The following EPHA5 variants were observed in gnomAD, a reference collection of about 807,000 sequenced individuals.
EPHA5 encodes ephrin type-A receptor 5.
Under a neutral mutation model 105.0 loss-of-function variants are expected in EPHA5, and 60 were observed. That is an observed-to-expected ratio of 0.57 (90% CI 0.46 to 0.71). EPHA5 has a LOEUF of 0.71. EPHA5 is among the 30% of genes least tolerant of loss of function. The pLI, the probability that EPHA5 is intolerant of heterozygous loss-of-function variation, is 0.00. For synonymous variants in EPHA5, 513 were observed against 449.1 expected (o/e 1.14, Z -1.80); for missense variants, 1,218 against 1,274.7 (o/e 0.96, Z 0.68).
chr4:65,585,395 T>A (rs951460575), intron 3 of EPHA5, among the ~76,000 whole-genome samples: 1 of 151,678 alleles, frequency 6.6e-6, no homozygotes, highest in Admixed American at 6.6e-5. Context: ...GTTTTAAATC[T>A]TACCTAGGAG....
chr4:65,620,611 A>G (rs1037871600), intron 2 of EPHA5, among the ~76,000 whole-genome samples: 2 of 152,180 alleles, frequency 1.3e-5, no homozygotes, highest in African/African-American at 2.4e-5. Flanking sequence ...GAAATTTACT[A>G]AAAGACTATC....
At chr4:65,631,762 T>C (rs28689105) in intron 2 of EPHA5, among the ~76,000 whole-genome samples, 5,685 of 150,944 alleles carry the variant, frequency 0.038, 354 homozygotes, top group African/African-American at 0.13. Context: ...ATAAAAGAGA[T>C]TAATAAGACT....
intron 5 of EPHA5, among the ~76,000 whole-genome samples, chr4:65,464,401 A>C (rs866431853): frequency 6.6e-6 from 1 of 152,070 alleles, no homozygotes. Context: ...AAGGCAACAC[A>C]AAGGAGAAGC....
intron 4 of EPHA5, among the ~76,000 whole-genome samples, chr4:65,493,547 C>T (rs761517128): frequency 2.0e-5 from 3 of 152,082 alleles, no homozygotes; most frequent in Non-Finnish European, 4.4e-5. Flanking sequence ...CATACACACA[C>T]ACTCATAGAT....
At chr4:65,486,820 C>A (rs1730925943) in intron 5 of EPHA5, among the ~76,000 whole-genome samples, 1 of 152,210 alleles carries the variant, frequency 6.6e-6, no homozygotes, top group Admixed American at 6.5e-5. Context: ...TGGCTTGGGC[C>A]TGTGTCCCTT....
At chr4:65,463,435 C>A (rs1385881989) in intron 5 of EPHA5, among the ~76,000 whole-genome samples, 1 of 152,092 alleles carries the variant, frequency 6.6e-6, no homozygotes, top group African/African-American at 2.4e-5. Context: ...AATGATTCTA[C>A]AAAAGTTATG....
intron 8 of EPHA5, among the ~76,000 whole-genome samples, chr4:65,382,470 T>C (rs1012723183): frequency 6.6e-6 from 1 of 151,892 alleles, no homozygotes; most frequent in Non-Finnish European, 1.5e-5. Flanking sequence ...TTCCAATATA[T>C]ATTTGAACTC....
At chr4:65,585,818 C>A in intron 3 of EPHA5, among the ~76,000 whole-genome samples, 1 of 151,400 alleles carries the variant, frequency 6.6e-6, no homozygotes, top group South Asian at 2.1e-4. Flanking sequence ...AATAAAGGAG[C>A]ATATGTTTTT....
chr4:65,364,422 C>T (rs1175334897), intron 11 of EPHA5, among the ~76,000 whole-genome samples: 3 of 151,564 alleles, frequency 2.0e-5, no homozygotes, highest in African/African-American at 7.3e-5. Flanking sequence ...AACACATTTA[C>T]AAAACATTAA....
chr4:65,616,454 C>CACACACAGAG (rs1454115764), intron 2 of EPHA5, among the ~76,000 whole-genome samples: 41 of 147,962 alleles, frequency 2.8e-4, no homozygotes, highest in African/African-American at 9.4e-4. Flanking sequence ...CACACACACA[C>CACACACAGAG]AGAGAGAGAG....
chr4:65,595,316 A>G (rs915441192), intron 3 of EPHA5, among the ~76,000 whole-genome samples: 1 of 152,136 alleles, frequency 6.6e-6, no homozygotes, highest in African/African-American at 2.4e-5. Context: ...GGCTGGATAG[A>G]GTGCCTACTA....
At chr4:65,343,065 T>G (rs770030647) in intron 14 of EPHA5, among the ~76,000 whole-genome samples, 87 of 152,172 alleles carry the variant, frequency 5.7e-4, no homozygotes, top group Admixed American at 2.7e-3. Context: ...GTGCAATCTA[T>G]GTACTTAGTA....
At chr4:65,528,429 G>A (rs936572573) in intron 3 of EPHA5, among the ~76,000 whole-genome samples, 1 of 151,500 alleles carries the variant, frequency 6.6e-6, no homozygotes, top group Admixed American at 6.6e-5. Context: ...TATTTAATTC[G>A]CTTCTTCCTC....
chr4:65,640,769 T>A (rs1346281962), intron 2 of EPHA5, among the ~76,000 whole-genome samples: 1 of 152,186 alleles, frequency 6.6e-6, no homozygotes, highest in Non-Finnish European at 1.5e-5. Context: ...TGTGCACAAG[T>A]AAAACCTTAG....
intron 13 of EPHA5, among the ~76,000 whole-genome samples, chr4:65,350,829 A>C (rs569905220): frequency 6.6e-6 from 1 of 152,140 alleles, no homozygotes; most frequent in Non-Finnish European, 1.5e-5. Flanking sequence ...AATAGCTATT[A>C]CAATACCTCC....
intron 3 of EPHA5, among the ~76,000 whole-genome samples, chr4:65,553,046 T>A (rs1738074567): frequency 6.6e-6 from 1 of 152,008 alleles, no homozygotes; most frequent in Admixed American, 6.6e-5. Context: ...TTGGAGACAA[T>A]GAAAATCACA....
intron 3 of EPHA5, among the ~76,000 whole-genome samples, chr4:65,501,966 A>C (rs1732533324): frequency 6.6e-6 from 1 of 151,796 alleles, no homozygotes; most frequent in Admixed American, 6.6e-5. Context: ...CAACCTTTTG[A>C]TCTTTTACAA....
chr4:65,555,075 A>G (rs1392146878), intron 3 of EPHA5, among the ~76,000 whole-genome samples: 1 of 145,654 alleles, frequency 6.9e-6, no homozygotes, highest in African/African-American at 2.6e-5. Context: ...TAATCTTTTG[A>G]ATATCTATGT....
At chr4:65,457,923 A>T (rs1208574162) in intron 5 of EPHA5, among the ~76,000 whole-genome samples, 2 of 152,018 alleles carry the variant, frequency 1.3e-5, no homozygotes, top group Non-Finnish European at 2.9e-5. Context: ...AAATTCAAAA[A>T]GTTAGCCGGA....
Sources: allele counts gnomAD v4.1 joint callset (sites outside exome capture counted in the v4.1 genomes callset), GRCh38; gene constraint gnomAD v4.1.1; transcripts MANE v1.5; gene names NCBI Gene and HGNC (gene_info 2026-07-23, HGNC 2026-07-21).